Variants in NRG3 observed in about 807,000 individuals in gnomAD.
NRG3 encodes the protein neuregulin 3.
In NRG3, 31 loss-of-function variants were observed where a neutral mutation model predicts 66.9. The ratio of observed to expected loss-of-function variants is 0.46; its 90% CI spans 0.35 to 0.63. NRG3 has a LOEUF of 0.63. Ranked by LOEUF, NRG3 falls within the 20% of genes least tolerant of loss-of-function variation. NRG3 has a pLI of 0.00. For missense variants in NRG3, 910 were observed against 878.9 expected, an observed-to-expected ratio of 1.04 and a Z score of -0.45; for synonymous variants, 393 against 359.4, an observed-to-expected ratio of 1.09 and a Z score of -1.06.
At chr10:82,452,212 TG>T (rs1248421620) in intron 2 of NRG3, among the ~76,000 whole-genome samples, 1 of 152,222 alleles carries the variant, frequency 6.6e-6, no homozygotes, top group Non-Finnish European at 1.5e-5. Context: ...TCATTGTTTG[TG>T]GTGTTAGCCT....
intron 1 of NRG3, among the ~76,000 whole-genome samples, chr10:81,984,117 A>G (rs186734172): frequency 6.6e-6 from 1 of 152,260 alleles, no homozygotes; most frequent in Non-Finnish European, 1.5e-5. Context: ...TCTCCCTTCA[A>G]AGTCCCCAGA....
chr10:81,875,227 C>A lies in NRG3; in HGVS notation c.-114C>A. On this transcript the variant is annotated 5_prime_UTR_variant, in exon 1 of 9. Coordinates refer to ENST00000372141, the MANE Select transcript of NRG3 (RefSeq NM_001010848.4). This position sits in a 1 kb window ranked among gnomAD's most constrained non-coding sequence, Gnocchi z 5.3. Reference sequence around the variant, plus strand: ...ATGCGGCCGCCGCGGCCGCTGCCTGCGCCCGAGCCCGCCGCCGCCGCCGGA... The same window carrying A: ...ATGCGGCCGCCGCGGCCGCTGCCTGAGCCCGAGCCCGCCGCCGCCGCCGGA... 1 of 531,090 alleles carries A rather than the reference C, an allele frequency of 1.9e-6. No homozygotes were observed. The highest frequency in any genetic ancestry group is 2.4e-6 in the Non-Finnish European group (1 of 417,556). 32.9% of individuals were successfully genotyped at this position (531,090 alleles called of 1,614,324 possible).
At chr10:82,072,435 T>C (rs2064860896) in intron 1 of NRG3, among the ~76,000 whole-genome samples, 1 of 152,172 alleles carries the variant, frequency 6.6e-6, no homozygotes, top group Non-Finnish European at 1.5e-5. Flanking sequence ...TGTTGAATAA[T>C]GAGTGATTGA....
intron 4 of NRG3, among the ~76,000 whole-genome samples, chr10:82,948,538 T>C (rs1410326932): frequency 1.3e-5 from 2 of 152,148 alleles, no homozygotes; most frequent in East Asian, 3.8e-4. Flanking sequence ...AGAATTGACA[T>C]CTTAATAATA....
intron 1 of NRG3, among the ~76,000 whole-genome samples, chr10:81,966,691 T>G (rs1342526902): frequency 6.6e-6 from 1 of 152,150 alleles, no homozygotes; most frequent in Non-Finnish European, 1.5e-5. Flanking sequence ...TGTACATCAG[T>G]GCAGGCTTGA....
intron 1 of NRG3, among the ~76,000 whole-genome samples, chr10:82,092,762 G>T (rs779337512): frequency 6.6e-6 from 1 of 152,156 alleles, no homozygotes; most frequent in Non-Finnish European, 1.5e-5. Flanking sequence ...TGGGGAAAAA[G>T]TCAGGGCATT....
rs920134502 is a variant in NRG3, at chr10:82,228,445, A to T, written c.824-130294A>T. ...GTGGGAATAAAACTTAACCTAGAAG[A>T]GAAAGCATGTAATGCTTCATTCAAA... On this transcript the variant is annotated intron_variant, in intron 1 of 8. Coordinates refer to ENST00000372141, the MANE Select transcript of NRG3 (RefSeq NM_001010848.4). Among the ~76,000 whole-genome samples the T allele has an allele frequency of 2.6e-5, 4 of 152,192 alleles. No homozygotes were observed. In the East Asian group the frequency reaches 7.7e-4, roughly 29 times the overall value.
rs200836745 is a variant in NRG3 at position 82,455,839 on chromosome 10, C to CT, written c.953+96972dup. Among the ~76,000 whole-genome samples, 750 of 152,150 alleles carry CT rather than the reference C, an allele frequency of 4.9e-3. 4 individuals are homozygous for CT. The highest frequency in any genetic ancestry group is 0.018 in the African/African-American group (727 of 41,512). ...TTCACCTCGTTAGCCAGGATGGTCTCTATCTCCTGACCTCTTGATCCGCCC... is the reference window on the plus strand; with the variant it reads ...TTCACCTCGTTAGCCAGGATGGTCTCTTATCTCCTGACCTCTTGATCCGCCC... On this transcript the variant is annotated intron_variant, in intron 2 of 8. Transcript: ENST00000372141.
At chr10:82,158,070 G>A (rs1415631645) in intron 1 of NRG3, among the ~76,000 whole-genome samples, 3 of 151,698 alleles carry the variant, frequency 2.0e-5, no homozygotes, top group Non-Finnish European at 4.4e-5. Flanking sequence ...TATCAAGGTA[G>A]TTTAGAAAAC....
intron 2 of NRG3, among the ~76,000 whole-genome samples, chr10:82,730,267 G>T (rs1304325410): frequency 6.6e-6 from 1 of 151,570 alleles, no homozygotes; most frequent in East Asian, 1.9e-4. Flanking sequence ...TGTATTTTTA[G>T]TAGAGACAGG....
intron 2 of NRG3, among the ~76,000 whole-genome samples, chr10:82,456,833 C>A (rs1808023020): frequency 6.6e-6 from 1 of 152,148 alleles, no homozygotes; most frequent in African/African-American, 2.4e-5. Flanking sequence ...CGGCCTGCCC[C>A]AGGTCTGGCC....
At chr10:82,368,018 G>A (rs1224310101) in intron 2 of NRG3, among the ~76,000 whole-genome samples, 10 of 152,016 alleles carry the variant, frequency 6.6e-5, no homozygotes, top group Admixed American at 4.6e-4. Context: ...AAATAAATAA[G>A]TAAATAAATA....
At chr10:82,060,220 G>A (rs1370092439) in intron 1 of NRG3, among the ~76,000 whole-genome samples, 2 of 152,184 alleles carry the variant, frequency 1.3e-5, no homozygotes, top group African/African-American at 2.4e-5. Context: ...GAAGGCATGA[G>A]CATTTCCTTT....
chr10:82,947,775 C>T (rs1444591843), intron 4 of NRG3, among the ~76,000 whole-genome samples: 1 of 151,958 alleles, frequency 6.6e-6, no homozygotes. Flanking sequence ...AATTGGTTTG[C>T]TTATCTTATT....
chr10:82,257,891 A>C (rs2134169798), intron 1 of NRG3, among the ~76,000 whole-genome samples: 1 of 152,296 alleles, frequency 6.6e-6, no homozygotes, highest in Middle Eastern at 3.4e-3. Context: ...GAGTTAGGTA[A>C]ATCTAAGTTT....
intron 4 of NRG3, among the ~76,000 whole-genome samples, chr10:82,910,864 A>G (rs777322975): frequency 6.6e-6 from 1 of 152,222 alleles, no homozygotes; most frequent in East Asian, 1.9e-4. Flanking sequence ...AGAATGCTGT[A>G]TATGCTGTTG....
chr10:82,805,140 G>A (rs189961175), intron 3 of NRG3, among the ~76,000 whole-genome samples: 1 of 152,172 alleles, frequency 6.6e-6, no homozygotes, highest in African/African-American at 2.4e-5. Context: ...GAGGCTGGAG[G>A]TTCTGAATTT....
At chr10:82,335,448 A>G (rs1446637421) in intron 1 of NRG3, among the ~76,000 whole-genome samples, 1 of 152,172 alleles carries the variant, frequency 6.6e-6, no homozygotes, top group Non-Finnish European at 1.5e-5. Context: ...ACTCTCAGCC[A>G]AAATCATTCT....
intron 3 of NRG3, among the ~76,000 whole-genome samples, chr10:82,759,437 A>C (rs76108226): frequency 0.032 from 4,811 of 152,226 alleles, 268 homozygotes; most frequent in African/African-American, 0.11. Context: ...GATTGCCCAG[A>C]CTCAAAAATT....
Sources: gnomAD v4.1 joint callset for allele counts (sites outside exome capture counted in the v4.1 genomes callset) on GRCh38, gnomAD v4.1.1 for gene constraint, Gnocchi (gnomAD v3.1) non-coding constraint, MANE v1.5 for transcripts, NCBI Gene and HGNC (gene_info 2026-07-23, HGNC 2026-07-21) for gene names.